Variants in PCGF3 observed in about 807,000 individuals in gnomAD.
PCGF3 encodes polycomb group ring finger 3, also known as polycomb group RING finger protein 3.
PCGF3 carries 7 observed loss-of-function variants against 33.1 expected under a neutral mutation model. That is an observed-to-expected ratio of 0.21 (90% CI 0.12 to 0.40). PCGF3 has a LOEUF of 0.40. Ranked by LOEUF, PCGF3 falls within the 10% of genes least tolerant of loss-of-function variation. The probability of loss-of-function intolerance (pLI) is 1.00; values close to 1 mark genes in which losing one functional copy is unlikely to be tolerated. For missense variants in PCGF3, 211 were observed against 313.3 expected (o/e 0.67, Z 2.46); for synonymous variants, 153 against 121.3 (o/e 1.26, Z -1.72).
rs552125293 is a variant in PCGF3 at position 747,774 on chromosome 4, G to A, written c.462+3086G>A. Among the ~76,000 whole-genome samples the A allele has an allele frequency of 1.7e-3, 256 of 152,310 alleles. 3 individuals are homozygous for A. Among genetic ancestry groups the A allele is most frequent in the Middle Eastern group, 3.4e-3 (1 of 294 alleles). ...CTCCTGTAATAGTGCAGTCCTGGGA[G>A]CACCGAGGGAGGGCTCACACCAGAA... On this transcript the variant is annotated intron_variant, in intron 8 of 10. Coordinates refer to ENST00000362003, the Ensembl canonical transcript of PCGF3.
At chr4:735,061 G>A (rs1308988243) in intron 5 of PCGF3, 34 bp downstream of exon 5, 1 of 1,600,728 alleles carries the variant, frequency 6.2e-7, no homozygotes, top group South Asian at 1.1e-5. Context: ...ACAGTACGTG[G>A]GGTGAGTGCC....
intron 8 of PCGF3, among the ~76,000 whole-genome samples, chr4:749,014 C>G (rs540772790): frequency 6.6e-6 from 1 of 152,262 alleles, no homozygotes; most frequent in East Asian, 1.9e-4. Context: ...GTGATGTCCT[C>G]CTCCAGTTTA....
intron 10 of PCGF3, 81 bp from the exon 11 acceptor site, chr4:765,951 C>G: frequency 2.3e-6 from 3 of 1,330,060 alleles, no homozygotes; most frequent in Non-Finnish European, 3.2e-6. Flanking sequence ...GACGTGATTC[C>G]TCAGCACCCT....
Position 764,976 on chromosome 4 carries a change from T to TC in PCGF3, c.601-3dup. ...CTCCGCTGCTAATCAAACCTCCTTA[T>TC]CCCCCAGCTGGACATTTTATGCAAC... is the stretch of plus-strand genomic sequence containing the variant. On this transcript the variant is annotated splice_polypyrimidine_tract_variant and splice_region_variant and intron_variant, in intron 9 of 10. Transcript: ENST00000362003. 1 of 1,611,572 alleles carries TC rather than the reference T, an allele frequency of 6.2e-7. No individual in the cohort carries two copies. Among genetic ancestry groups the TC allele is most frequent in the East Asian group, 2.2e-5 (1 of 44,864 alleles).
intron 6 of PCGF3, among the ~76,000 whole-genome samples, chr4:739,732 T>C (rs1744004020): frequency 6.6e-6 from 1 of 152,240 alleles, no homozygotes; most frequent in African/African-American, 2.4e-5. Flanking sequence ...CGTCTCCACG[T>C]GTTAGTTGGA....
chr4:748,780 T>C (rs983085700), intron 8 of PCGF3, among the ~76,000 whole-genome samples: 1 of 152,168 alleles, frequency 6.6e-6, no homozygotes, highest in South Asian at 2.1e-4. Flanking sequence ...TGTTTTTCTG[T>C]CTCTGGTGTT....
rs555150933 is a variant in PCGF3 at position 707,450 on chromosome 4, C to T, written c.-190+1480C>T. Among the ~76,000 whole-genome samples the T allele has an allele frequency of 6.6e-5, 10 of 151,684 alleles. No homozygotes were observed. The South Asian group carries it at 1.5e-3, about 22-fold the overall frequency. On this transcript the variant is annotated intron_variant, in intron 1 of 10. Coordinates refer to ENST00000362003, the Ensembl canonical transcript of PCGF3. ...GACCCTGAGACTGCCCCGTCTCCCCCGGGACCCTGAGACAGCCCTGTTTTC... is the reference window on the plus strand; with the variant it reads ...GACCCTGAGACTGCCCCGTCTCCCCTGGGACCCTGAGACAGCCCTGTTTTC...
chr4:753,331 C>A (rs1744610117), intron 8 of PCGF3, among the ~76,000 whole-genome samples: 1 of 152,210 alleles, frequency 6.6e-6, no homozygotes. Context: ...CAGGTGTGAG[C>A]CACTGTACCT....
intron 8 of PCGF3, among the ~76,000 whole-genome samples, chr4:751,634 A>G (rs1466538850): frequency 6.6e-6 from 1 of 151,090 alleles, no homozygotes; most frequent in African/African-American, 2.4e-5. Context: ...AAAAAAACAT[A>G]TGAGGGAAGC....
rs535230571 is a variant in PCGF3, at chr4:736,620, C to T, written c.207-846C>T. ...CTGGGGTGTCCGCAGGGACGGTGTCCCCTGAGCACACAGGATGCAGGGAAC... is the reference window on the plus strand; with the variant it reads ...CTGGGGTGTCCGCAGGGACGGTGTCTCCTGAGCACACAGGATGCAGGGAAC... On this transcript the variant is annotated intron_variant, in intron 5 of 10. Transcript: ENST00000362003. Among the ~76,000 whole-genome samples the T allele has an allele frequency of 2.8e-5, 3 of 106,592 alleles. 1 individual carries two copies. Among genetic ancestry groups the T allele is most frequent in the South Asian group, 7.1e-4 (2 of 2,808 alleles). 69.9% of individuals were successfully genotyped at this position (106,592 alleles called of 152,430 possible). A position where few individuals can be genotyped will look rare whatever the true frequency, so the allele number is the denominator to read the frequency against.
At chr4:708,739 C>A (rs1222405835) in intron 1 of PCGF3, among the ~76,000 whole-genome samples, 1 of 152,210 alleles carries the variant, frequency 6.6e-6, no homozygotes, top group African/African-American at 2.4e-5. Flanking sequence ...GAGTGCCCCA[C>A]TTCCTCAGTG....
chr4:712,074 TG>T (rs1395883165), intron 1 of PCGF3, among the ~76,000 whole-genome samples: 1 of 152,238 alleles, frequency 6.6e-6, no homozygotes, highest in Non-Finnish European at 1.5e-5. Context: ...TGATACTTGC[TG>T]TTAATATAGC....
chr4:710,798 A>C (rs1277373821), intron 1 of PCGF3, among the ~76,000 whole-genome samples: 1 of 152,226 alleles, frequency 6.6e-6, no homozygotes, highest in Admixed American at 6.5e-5. Context: ...AATCCTTCCC[A>C]ACAGCTTCAA....
Position 722,013 on chromosome 4 carries a change from G to A in PCGF3, c.-189-8617G>A, listed in dbSNP as rs139685879. On this transcript the variant is annotated intron_variant, in intron 1 of 10. Coordinates refer to ENST00000362003, the Ensembl canonical transcript of PCGF3. ...TCTGTGTGTGGGCGTGGAGAGGCCCGTGGCAGCTCCTTCGTTGCAGAAACC... is the reference window on the plus strand; with the variant it reads ...TCTGTGTGTGGGCGTGGAGAGGCCCATGGCAGCTCCTTCGTTGCAGAAACC... Among the ~76,000 whole-genome samples the A allele has an allele frequency of 4.0e-4, 61 of 152,208 alleles. 1 individual carries two copies. The highest frequency in any genetic ancestry group is 3.7e-3 in the Admixed American group (56 of 15,298).
intron 5 of PCGF3, among the ~76,000 whole-genome samples, chr4:736,109 G>A (rs556692284): frequency 6.6e-6 from 1 of 151,834 alleles, no homozygotes; most frequent in Non-Finnish European, 1.5e-5. Context: ...GTGCAATGGC[G>A]CCATCTCAGC....
chr4:752,530 C>T (rs1469955659), intron 8 of PCGF3, among the ~76,000 whole-genome samples: 1 of 152,206 alleles, frequency 6.6e-6, no homozygotes, highest in Non-Finnish European at 1.5e-5. Flanking sequence ...GCGTGGGCAT[C>T]CTGAGGCCTC....
intron 8 of PCGF3, among the ~76,000 whole-genome samples, chr4:759,952 A>T (rs796077687): frequency 7.9e-6 from 1 of 126,526 alleles, no homozygotes; most frequent in African/African-American, 2.9e-5. Flanking sequence ...CTTTCTCCCC[A>T]CGGCCTCTCT....
In PCGF3 at chr4:764,445, G is replaced by T. The variant is rs140085312; in HGVS notation, c.601-539G>T. The stretch of plus-strand genomic sequence containing the variant: ...GGCTGGTGTGGACTGGGCCTGGGTG[G>T]GATGGGGAGGGAAACACTTCGGCCC... On this transcript the variant is annotated intron_variant, in intron 9 of 10. Transcript: ENST00000362003. 1.8e-3 allele frequency: 268 copies of T among 153,140 alleles called. 1 individual carries two copies. The highest frequency in any genetic ancestry group is 2.9e-3 in the Non-Finnish European group (200 of 68,686). The allele number at this position is 153,140 out of a possible 1,614,324, so 9.5% of individuals were successfully genotyped here.
intron 8 of PCGF3, among the ~76,000 whole-genome samples, chr4:753,574 C>G (rs1194360210): frequency 6.7e-6 from 1 of 150,346 alleles, no homozygotes; most frequent in Non-Finnish European, 1.5e-5. Flanking sequence ...ACCCGGGAGG[C>G]AGAGCTTGCA....
Sources: allele counts gnomAD v4.1 joint callset (sites outside exome capture counted in the v4.1 genomes callset), GRCh38; gene constraint gnomAD v4.1.1; transcripts MANE v1.5; gene names NCBI Gene and HGNC (gene_info 2026-07-23, HGNC 2026-07-21).